The following UTY variants were observed in gnomAD, a reference collection of about 807,000 sequenced individuals.
UTY encodes the protein ubiquitously transcribed tetratricopeptide repeat containing, Y-linked.
UTY carries 12 observed loss-of-function variants against 32.5 expected under a neutral mutation model. The observed-to-expected ratio is 0.37, with a 90% CI of 0.24 to 0.60. The LOEUF is 0.60. Ranked by LOEUF, UTY falls within the 20% of genes least tolerant of loss-of-function variation. UTY has a pLI of 0.69. For synonymous variants in UTY, 131 were observed against 103.4 expected (o/e 1.27, Z -1.62); for missense variants, 303 against 299.2 (o/e 1.01, Z -0.09).
chrY:13,299,946 T>C (rs2058290923), intron 25 of UTY: 3 of 137,808 alleles, frequency 2.2e-5, no homozygotes, highest in Non-Finnish European at 2.7e-5. Context: ...AGAAATCACA[T>C]GAAGTCATTT....
chrY:13,480,140 A>G (rs2079569069), upstream of UTY: 1 of 44,460 alleles, frequency 2.2e-5, no homozygotes, highest in Non-Finnish European at 5.3e-5. Context: ...TAGGAACATG[A>G]CAGAGGCTGA....
intron 4 of UTY, among the ~76,000 whole-genome samples, chrY:13,430,200 TA>T: frequency 5.9e-5 from 2 of 33,782 alleles, no homozygotes; most frequent in Admixed American, 5.3e-4. Flanking sequence ...TTGCCTGGTT[TA>T]AAATCAGAGT....
chrY:13,411,330 GA>G, intron 5 of UTY, among the ~76,000 whole-genome samples: 1 of 33,593 alleles, frequency 3.0e-5, no homozygotes, highest in Non-Finnish European at 7.4e-5. Context: ...AAAGGTTCAA[GA>G]AAAAATTCAG....
At chrY:13,314,283 G>A (rs953864424) in intron 21 of UTY, among the ~76,000 whole-genome samples, 2 of 32,902 alleles carry the variant, frequency 6.1e-5, no homozygotes, top group Non-Finnish European at 1.5e-4. Context: ...AAGTGGTGGC[G>A]GGCACCTGTA....
chrY:13,325,140 T>G (rs2060144459), intron 19 of UTY, among the ~76,000 whole-genome samples: 1 of 33,617 alleles, frequency 3.0e-5, no homozygotes, highest in Non-Finnish European at 7.4e-5. Flanking sequence ...AAAATCAAAC[T>G]GTTTTATAAA....
chrY:13,431,914 TCATAAACAAATG>T, intron 4 of UTY, among the ~76,000 whole-genome samples: 1 of 33,824 alleles, frequency 3.0e-5, no homozygotes, highest in East Asian at 7.6e-4. Context: ...CTGTAGAAAT[TCATAAACAAATG>T]CAGTTATGTT....
chrY:13,329,729 C>A (rs2060542096), intron 18 of UTY, among the ~76,000 whole-genome samples: 2 of 33,264 alleles, frequency 6.0e-5, no homozygotes, highest in African/African-American at 1.2e-4. Context: ...TTGAGGTAAT[C>A]GATGTGTTGG....
chrY:13,361,228 C>G, intron 10 of UTY, among the ~76,000 whole-genome samples: 1 of 33,106 alleles, frequency 3.0e-5, no homozygotes, highest in African/African-American at 1.2e-4. Context: ...TTATGTATCC[C>G]AAACAGCTGG....
Position 13,249,040 on chromosome Y carries a change from C to T in UTY, c.*816G>A. ...TTTTTTAAACTCAAACATTGGGAAA[C>T]CCTTTAAACATTTAACAATTTTAAT... On this transcript the variant is annotated 3_prime_UTR_variant, in exon 30 of 30. Transcript: ENST00000545955. The T allele has an allele frequency of 2.5e-5, 1 of 39,553 alleles. No individual in the cohort carries two copies. Among genetic ancestry groups the T allele is most frequent in the East Asian group, 4.2e-4 (1 of 2,367 alleles). The allele number at this position is 39,553 out of a possible 400,897, so 9.9% of individuals were successfully genotyped here.
Position 13,355,988 on chromosome Y carries a change from T to A in UTY, c.1600A>T (p.Asn534Tyr). ...HLEQLRANRD[N>Y]LNPAQKHQLE... ...TGATGCTTCTGTGCTGGATTTAAAT[T>A]ATCTCTATTTGCTCGCAGTTGTTCC... Residue 534 changes from asparagine to tyrosine, a missense_variant, in exon 16 of 30, where the codon AAT (asparagine) becomes TAT (tyrosine). Transcript: ENST00000545955. 2.6e-6 allele frequency: 1 copy of A among 389,555 alleles called. No homozygotes were observed. Among genetic ancestry groups the A allele is most frequent in the Non-Finnish European group, 3.6e-6 (1 of 279,050 alleles).
At chrY:13,285,422 A>G (rs2057298688) in intron 27 of UTY, among the ~76,000 whole-genome samples, 1 of 34,479 alleles carries the variant, frequency 2.9e-5, no homozygotes, top group Non-Finnish European at 7.3e-5. Context: ...GATCAATTTA[A>G]AGCTTGAAAT....
At position 13,271,124 on chromosome Y, in the gene UTY, T is replaced by C. The variant is rs72609666; in HGVS notation, c.4011-10720A>G. On this transcript the variant is annotated intron_variant, in intron 27 of 29. Transcript: ENST00000545955. ...CCTCTAATCTACATAGGGTACACAGTGTATTCTAACTTAATCAATAACCTA... is the reference window on the plus strand; with the variant it reads ...CCTCTAATCTACATAGGGTACACAGCGTATTCTAACTTAATCAATAACCTA... Among the ~76,000 whole-genome samples the C allele has an allele frequency of 4.8e-3, 157 of 32,801 alleles. No individual in the cohort carries two copies. The East Asian group carries it at 0.12, about 24-fold the overall frequency. 88.0% of individuals were successfully genotyped at this position (32,801 alleles called of 37,273 possible).
At chrY:13,476,295 A>G in intron 2 of UTY, among the ~76,000 whole-genome samples, 1 of 33,814 alleles carries the variant, frequency 3.0e-5, no homozygotes, top group African/African-American at 1.2e-4. Flanking sequence ...CTAATTCTAA[A>G]TAACAAAACA....
intron 27 of UTY, among the ~76,000 whole-genome samples, chrY:13,286,067 G>C: frequency 3.0e-5 from 1 of 33,854 alleles, no homozygotes; most frequent in Non-Finnish European, 7.3e-5. Flanking sequence ...GCTGTACATG[G>C]ATGAGAGCAG....
At chrY:13,436,728 T>G in intron 4 of UTY, among the ~76,000 whole-genome samples, 3 of 32,366 alleles carry the variant, frequency 9.3e-5, no homozygotes, top group African/African-American at 3.7e-4. Flanking sequence ...AGGGCACCCT[T>G]GTTTGGAAAA....
At chrY:13,296,227 G>A (rs2058024710) in intron 27 of UTY, among the ~76,000 whole-genome samples, 1 of 34,199 alleles carries the variant, frequency 2.9e-5, no homozygotes, top group Admixed American at 2.6e-4. Context: ...CTCTGCAGTG[G>A]TGCAGGATGG....
intron 27 of UTY, among the ~76,000 whole-genome samples, chrY:13,263,263 T>C: frequency 3.0e-5 from 1 of 33,335 alleles, no homozygotes; most frequent in Non-Finnish European, 7.4e-5. Flanking sequence ...AATAACTCAA[T>C]TGTGATTGCT....
intron 8 of UTY, among the ~76,000 whole-genome samples, chrY:13,385,245 G>A: frequency 3.1e-5 from 1 of 32,325 alleles, no homozygotes; most frequent in Non-Finnish European, 7.5e-5. Flanking sequence ...ATAAATCTAG[G>A]AAATATATAC....
chrY:13,361,868 G>T (rs2063575049), intron 10 of UTY, among the ~76,000 whole-genome samples: 1 of 33,043 alleles, frequency 3.0e-5, no homozygotes, highest in Non-Finnish European at 7.5e-5. Flanking sequence ...AATGGGCTGG[G>T]AAATACAAGA....
Sources: allele counts gnomAD v4.1 joint callset (sites outside exome capture counted in the v4.1 genomes callset), GRCh38; gene constraint gnomAD v4.1.1; transcripts MANE v1.5; gene names NCBI Gene and HGNC (gene_info 2026-07-23, HGNC 2026-07-21).